Variants in DCTN6 observed in about 807,000 individuals in gnomAD.
DCTN6 encodes the protein dynactin subunit 6, also known as dynactin 6.
In DCTN6, 15 loss-of-function variants were observed where a neutral mutation model predicts 25.8. The ratio of observed to expected loss-of-function variants is 0.58; its 90% CI spans 0.39 to 0.89. DCTN6 has a LOEUF of 0.89. DCTN6 is among the 40% of genes least tolerant of loss of function. The pLI is 0.00. For synonymous variants in DCTN6, 64 were observed against 78.3 expected (o/e 0.82, Z 0.96); for missense variants, 198 against 237.6 (o/e 0.83, Z 1.09).
At chr8:30,170,478 A>G (rs1049587629) in intron 2 of DCTN6, among the ~76,000 whole-genome samples, 1 of 152,150 alleles carries the variant, frequency 6.6e-6, no homozygotes, top group Non-Finnish European at 1.5e-5. Context: ...CTCTCTGGAC[A>G]CAGCCCTCAG....
chr8:30,180,108 T>C (rs1447579710), intron 5 of DCTN6, among the ~76,000 whole-genome samples: 1 of 152,270 alleles, frequency 6.6e-6, no homozygotes, highest in African/African-American at 2.4e-5. Context: ...ATTATCACTA[T>C]TATCATCAGC....
At chr8:30,174,814 G>T (rs974266405) in intron 2 of DCTN6, among the ~76,000 whole-genome samples, 1 of 152,144 alleles carries the variant, frequency 6.6e-6, no homozygotes, top group Non-Finnish European at 1.5e-5. Flanking sequence ...CTGTTTCACC[G>T]CTGAGATCAC....
chr8:30,166,314 T>TC (rs2052775352), intron 2 of DCTN6, among the ~76,000 whole-genome samples: 1 of 151,280 alleles, frequency 6.6e-6, no homozygotes, highest in South Asian at 2.1e-4. Context: ...GTTTTTTTTT[T>TC]CTTTCTTTTT....
chr8:30,164,797 T>G (rs1001919693), intron 2 of DCTN6, among the ~76,000 whole-genome samples: 1 of 152,204 alleles, frequency 6.6e-6, no homozygotes, highest in Non-Finnish European at 1.5e-5. Context: ...AAGTGATGGC[T>G]AGAGCACCAA....
intron 2 of DCTN6, among the ~76,000 whole-genome samples, chr8:30,166,849 A>G (rs539224975): frequency 2.8e-4 from 43 of 152,206 alleles, no homozygotes; most frequent in African/African-American, 9.9e-4. Context: ...TAATCCTAGC[A>G]CTTTGGGAGG....
chr8:30,158,467 G>A (rs1196669056), intron 1 of DCTN6, among the ~76,000 whole-genome samples: 2 of 152,112 alleles, frequency 1.3e-5, no homozygotes, highest in African/African-American at 4.8e-5. Flanking sequence ...AAAAACATCT[G>A]GAGTGACAGG....
At chr8:30,176,847 T>G (rs983792567) in intron 3 of DCTN6, 3 of 287,560 alleles carry the variant, frequency 1.0e-5, no homozygotes, top group African/African-American at 6.7e-5. Flanking sequence ...TAGTGGCACG[T>G]GCCTGTAGTC....
At chr8:30,169,846 C>A (rs7842111) in intron 2 of DCTN6, among the ~76,000 whole-genome samples, 1 of 152,064 alleles carries the variant, frequency 6.6e-6, no homozygotes, top group Admixed American at 6.6e-5. Context: ...CAGAATTATC[C>A]GCATCATTCA....
At chr8:30,162,380 C>CA (rs1215691037) in intron 1 of DCTN6, among the ~76,000 whole-genome samples, 1 of 152,224 alleles carries the variant, frequency 6.6e-6, no homozygotes, top group Non-Finnish European at 1.5e-5. Context: ...TGTGAGCCAC[C>CA]ATGCCCAGCC....
intron 2 of DCTN6, among the ~76,000 whole-genome samples, chr8:30,173,835 T>C (rs1381792945): frequency 6.6e-6 from 1 of 151,636 alleles, no homozygotes; most frequent in African/African-American, 2.4e-5. Flanking sequence ...CCTCCCTTAC[T>C]TTCAGAGTCA....
intron 1 of DCTN6, among the ~76,000 whole-genome samples, chr8:30,161,659 G>C (rs1248535729): frequency 6.6e-6 from 1 of 152,102 alleles, no homozygotes; most frequent in East Asian, 1.9e-4. Context: ...GAGGGGGGAA[G>C]AGGTTTTTAC....
chr8:30,179,329 G>A, intron 4 of DCTN6, 79 bp from the exon 5 acceptor site: 3 of 1,230,458 alleles, frequency 2.4e-6, no homozygotes, highest in Non-Finnish European at 3.5e-6. Context: ...CTCTGTCCCA[G>A]TGCAATGTAA....
At chr8:30,182,038 G>C (rs1418059329) in intron 6 of DCTN6, among the ~76,000 whole-genome samples, 4 of 151,934 alleles carry the variant, frequency 2.6e-5, no homozygotes, top group African/African-American at 4.8e-5. Flanking sequence ...AGACTAAAAA[G>C]GAAATAAGGT....
chr8:30,179,334 A>G (rs1214850995), intron 4 of DCTN6, 74 bp from the exon 5 acceptor site: 3 of 1,277,552 alleles, frequency 2.3e-6, no homozygotes, highest in South Asian at 2.8e-5. Flanking sequence ...TCCCAGTGCA[A>G]TGTAAGTACA....
intron 6 of DCTN6, 65 bp downstream of exon 6, chr8:30,180,695 C>A: frequency 1.3e-6 from 2 of 1,541,522 alleles, no homozygotes; most frequent in Non-Finnish European, 1.8e-6. Flanking sequence ...ATGTAATTGT[C>A]TTCATGAGGC....
chr8:30,157,916 TGCAGTAGATA>T (rs57848853), intron 1 of DCTN6, among the ~76,000 whole-genome samples: 2,052 of 152,344 alleles, frequency 0.013, 39 homozygotes, highest in East Asian at 0.055. Flanking sequence ...AAATATTATG[TGCAGTAGATA>T]GCAGTAGATA....
intron 5 of DCTN6, 152 bp downstream of exon 5, chr8:30,179,607 C>A (rs1803887363): frequency 3.4e-6 from 2 of 583,242 alleles, no homozygotes; most frequent in East Asian, 2.9e-5. Context: ...ACTAAGGAAC[C>A]TAATCTGGTT....
chr8:30,175,527 GTTT>G (rs1041147996), intron 3 of DCTN6, among the ~76,000 whole-genome samples: 21 of 139,230 alleles, frequency 1.5e-4, no homozygotes, highest in African/African-American at 5.5e-4. Context: ...ACCCTGCAGA[GTTT>G]TTTTTTTTTT....
intron 2 of DCTN6, among the ~76,000 whole-genome samples, chr8:30,170,134 C>CT (rs1803743627): frequency 6.6e-6 from 1 of 151,206 alleles, no homozygotes; most frequent in African/African-American, 2.4e-5. Flanking sequence ...GATGGTGCCA[C>CT]TGCACTCCAG....
Sources: gnomAD v4.1 joint callset for allele counts (sites outside exome capture counted in the v4.1 genomes callset) on GRCh38, gnomAD v4.1.1 for gene constraint, MANE v1.5 for transcripts, NCBI Gene and HGNC (gene_info 2026-07-23, HGNC 2026-07-21) for gene names.